The following PTPRG variants were observed in gnomAD, a reference collection of about 807,000 sequenced individuals.
PTPRG encodes receptor-type tyrosine-protein phosphatase gamma.
Under a neutral mutation model 165.3 loss-of-function variants are expected in PTPRG, and 102 were observed. The ratio of observed to expected loss-of-function variants is 0.62; its 90% CI spans 0.53 to 0.73. The LOEUF is 0.73. Among genes scored for constraint, PTPRG ranks in the 30% least tolerant of loss-of-function variants. The pLI is 0.00. For synonymous variants in PTPRG, 675 were observed against 669.5 expected (o/e 1.01, Z -0.13); for missense variants, 1,866 against 1,861.4 (o/e 1.00, Z -0.05).
intron 5 of PTPRG, among the ~76,000 whole-genome samples, chr3:62,092,683 C>G (rs1158978898): frequency 6.6e-6 from 1 of 152,082 alleles, no homozygotes; most frequent in African/African-American, 2.4e-5. Flanking sequence ...AAAATAGGAC[C>G]AGTAATAAGA....
intron 5 of PTPRG, among the ~76,000 whole-genome samples, chr3:62,106,801 T>C (rs961812043): frequency 3.9e-5 from 6 of 152,224 alleles, no homozygotes; most frequent in African/African-American, 1.4e-4. Context: ...ATGGAAGTCA[T>C]ATACCTAAGA....
chr3:61,639,468 G>A (rs1702004920), intron 1 of PTPRG, among the ~76,000 whole-genome samples: 1 of 152,146 alleles, frequency 6.6e-6, no homozygotes, highest in Non-Finnish European at 1.5e-5. Context: ...TAGTTTGATA[G>A]GAATAGTGTT....
chr3:62,025,093 T>C (rs981954276), intron 4 of PTPRG, among the ~76,000 whole-genome samples: 1 of 152,112 alleles, frequency 6.6e-6, no homozygotes, highest in Non-Finnish European at 1.5e-5. Context: ...GGTCCAGTTT[T>C]CGTATGTGGG....
intron 1 of PTPRG, among the ~76,000 whole-genome samples, chr3:61,569,017 G>A (rs1056717500): frequency 3.9e-5 from 6 of 152,172 alleles, no homozygotes; most frequent in Admixed American, 6.5e-5. Context: ...CCTCCCAAAC[G>A]GAATTGGGTA....
intron 2 of PTPRG, among the ~76,000 whole-genome samples, chr3:61,894,536 T>G (rs2038301054): frequency 6.6e-6 from 1 of 152,124 alleles, no homozygotes; most frequent in African/African-American, 2.4e-5. Context: ...CATCTCTTAT[T>G]TATTTTCATT....
At chr3:61,565,506 A>G (rs1004996573) in intron 1 of PTPRG, among the ~76,000 whole-genome samples, 1 of 152,128 alleles carries the variant, frequency 6.6e-6, no homozygotes, top group African/African-American at 2.4e-5. Context: ...AAACTCTGAT[A>G]CATATCTCCA....
intron 2 of PTPRG, among the ~76,000 whole-genome samples, chr3:61,932,399 G>A (rs752566001): frequency 5.3e-5 from 8 of 152,188 alleles, no homozygotes; most frequent in Admixed American, 3.9e-4. Flanking sequence ...AGCCTCAGGC[G>A]TCTTAGCCAG....
At chr3:62,162,077 C>T (rs896919239) in intron 7 of PTPRG, among the ~76,000 whole-genome samples, 3 of 152,030 alleles carry the variant, frequency 2.0e-5, no homozygotes, top group East Asian at 1.9e-4. Flanking sequence ...GGTATTCTCT[C>T]ATTTCTCCCT....
Position 61,830,346 on chromosome 3 carries a change from G to A in PTPRG, c.190+81364G>A, listed in dbSNP as rs180858132. ...GAAGAATACTATCATCTTTTAGGTT[G>A]ATAATGTTTAATTTAGTTGTGTAAT... On this transcript the variant is annotated intron_variant, in intron 2 of 29. Coordinates refer to ENST00000474889, the MANE Select transcript of PTPRG (RefSeq NM_002841.4). Among the ~76,000 whole-genome samples, 7 of 152,238 alleles carry A rather than the reference G, an allele frequency of 4.6e-5. No individual in the cohort carries two copies. The East Asian group carries it at 1.4e-3, about 29-fold the overall frequency.
At chr3:62,162,587 G>C (rs1177877216) in intron 7 of PTPRG, among the ~76,000 whole-genome samples, 1 of 152,196 alleles carries the variant, frequency 6.6e-6, no homozygotes, top group East Asian at 1.9e-4. Flanking sequence ...ATGCCTCCCA[G>C]TTCTTTCTGC....
intron 5 of PTPRG, among the ~76,000 whole-genome samples, chr3:62,118,834 C>T (rs577286248): frequency 6.6e-6 from 1 of 152,284 alleles, no homozygotes; most frequent in South Asian, 2.1e-4. Context: ...CCTCAGGTCA[C>T]ACAGCCAAGA....
At chr3:62,174,134 C>A (rs1237912377) in intron 8 of PTPRG, among the ~76,000 whole-genome samples, 1 of 152,150 alleles carries the variant, frequency 6.6e-6, no homozygotes, top group East Asian at 1.9e-4. Flanking sequence ...GCAGCATATC[C>A]CGGGTACATG....
At chr3:62,015,097 T>C (rs1445745233) in intron 4 of PTPRG, among the ~76,000 whole-genome samples, 2 of 152,258 alleles carry the variant, frequency 1.3e-5, no homozygotes, top group Admixed American at 1.3e-4. Flanking sequence ...TAATACAGTA[T>C]GTAGAATGTT....
chr3:62,272,768 C>T (rs1401704019), intron 21 of PTPRG, among the ~76,000 whole-genome samples, 178 bp from the exon 22 acceptor site: 4 of 151,974 alleles, frequency 2.6e-5, no homozygotes, highest in African/African-American at 7.3e-5. Flanking sequence ...AACTGGGAGG[C>T]GGAGGTTGCA....
At chr3:62,218,725 G>A (rs760685011) in intron 12 of PTPRG, 126 bp from the exon 13 acceptor site, 2 of 1,264,774 alleles carry the variant, frequency 1.6e-6, no homozygotes, top group Non-Finnish European at 2.2e-6. Context: ...TCCTGTCATG[G>A]GGCAGCTCAG....
At chr3:61,584,176 T>C (rs1328231691) in intron 1 of PTPRG, among the ~76,000 whole-genome samples, 2 of 149,126 alleles carry the variant, frequency 1.3e-5, no homozygotes, top group Non-Finnish European at 3.0e-5. Context: ...TGATTTTATT[T>C]GTAAATTAGA....
chr3:61,575,546 T>C (rs1700156958), intron 1 of PTPRG, among the ~76,000 whole-genome samples: 1 of 151,848 alleles, frequency 6.6e-6, no homozygotes, highest in African/African-American at 2.4e-5. Flanking sequence ...TCCTTGTGAA[T>C]ATTAAATGAG....
In PTPRG at chr3:61,830,167, G is replaced by A. The variant is rs1449673453; in HGVS notation, c.190+81185G>A. 2.0e-5 allele frequency among the ~76,000 whole-genome samples: 3 copies of A among 152,188 alleles called. No homozygotes were observed. The South Asian group carries it at 6.2e-4, about 32-fold the overall frequency. On this transcript the variant is annotated intron_variant, in intron 2 of 29. Transcript: ENST00000474889. ...AAAAGCCAGCTCTGAGAATTGCTGTGATGTCATGTGGCATAACCCTGGGAA... is the reference window on the plus strand; with the variant it reads ...AAAAGCCAGCTCTGAGAATTGCTGTAATGTCATGTGGCATAACCCTGGGAA...
chr3:61,672,342 T>C (rs1703034566), intron 1 of PTPRG, among the ~76,000 whole-genome samples: 3 of 143,730 alleles, frequency 2.1e-5, no homozygotes, highest in Non-Finnish European at 4.6e-5. Flanking sequence ...GGCTGCAATC[T>C]CGGCACTTTG....
Sources: allele counts gnomAD v4.1 joint callset (sites outside exome capture counted in the v4.1 genomes callset), GRCh38; gene constraint gnomAD v4.1.1; transcripts MANE v1.5; gene names NCBI Gene and HGNC (gene_info 2026-07-23, HGNC 2026-07-21).